TSPAN5: variants seen among roughly 807,000 people sequenced by gnomAD.
TSPAN5 encodes the protein tetraspanin 5, also known as tetraspanin-5.
In TSPAN5, 10 loss-of-function variants were observed where a neutral mutation model predicts 37.1. The ratio of observed to expected loss-of-function variants is 0.27; its 90% CI spans 0.17 to 0.46. The LOEUF (loss-of-function observed/expected upper bound fraction) is 0.46, where lower values mean the gene tolerates loss of function less well. Among genes scored for constraint, TSPAN5 ranks in the 20% least tolerant of loss-of-function variants. TSPAN5 has a pLI of 1.00. For synonymous variants in TSPAN5, 110 were observed against 118.9 expected, an observed-to-expected ratio of 0.93 and a Z score of 0.48; for missense variants, 195 against 326.6, an observed-to-expected ratio of 0.60 and a Z score of 3.11.
chr4:98,657,070 C>T (rs1382760530), intron 1 of TSPAN5, among the ~76,000 whole-genome samples: 1 of 152,112 alleles, frequency 6.6e-6, no homozygotes, highest in Non-Finnish European at 1.5e-5. Context: ...AATGCGGGTG[C>T]CCACTGAGGA....
chr4:98,492,520 T>C (rs1398564357), intron 2 of TSPAN5, among the ~76,000 whole-genome samples: 1 of 152,156 alleles, frequency 6.6e-6, no homozygotes, highest in Non-Finnish European at 1.5e-5. Context: ...ACAAAAGCTT[T>C]GAATACACTA....
At chr4:98,486,387 C>T (rs1752958881) in intron 3 of TSPAN5, among the ~76,000 whole-genome samples, 1 of 152,184 alleles carries the variant, frequency 6.6e-6, no homozygotes. Flanking sequence ...CACAGCTCCC[C>T]ACTTACTATG....
chr4:98,603,242 T>C (rs948298749), intron 1 of TSPAN5, among the ~76,000 whole-genome samples: 2 of 152,216 alleles, frequency 1.3e-5, no homozygotes, highest in Non-Finnish European at 2.9e-5. Context: ...CTAGTTCCTT[T>C]AGACTCCCCC....
At chr4:98,653,493 T>C (rs1447003221) in intron 1 of TSPAN5, among the ~76,000 whole-genome samples, 11 of 152,162 alleles carry the variant, frequency 7.2e-5, no homozygotes, top group African/African-American at 2.4e-4. Context: ...CATTCCACCG[T>C]TTCCATTGAG....
intron 1 of TSPAN5, 50 bp from the exon 2 acceptor site, chr4:98,507,778 T>C (rs1208638280): frequency 1.5e-6 from 2 of 1,378,728 alleles, no homozygotes; most frequent in South Asian, 2.5e-5. Flanking sequence ...GCCGCTAATA[T>C]AAAGAAGAAA....
At chr4:98,604,615 T>C (rs767199812) in intron 1 of TSPAN5, among the ~76,000 whole-genome samples, 2 of 152,184 alleles carry the variant, frequency 1.3e-5, no homozygotes, top group African/African-American at 2.4e-5. Flanking sequence ...TAGTCTGAGG[T>C]TTCCATTTTT....
intron 2 of TSPAN5, chr4:98,500,157 T>C (rs565270060): frequency 6.6e-6 from 1 of 152,342 alleles, no homozygotes; most frequent in South Asian, 2.1e-4. Flanking sequence ...AGTAACCATT[T>C]TCCTCTATTG....
chr4:98,562,020 C>T (rs1032710242), intron 1 of TSPAN5, among the ~76,000 whole-genome samples: 4 of 152,162 alleles, frequency 2.6e-5, no homozygotes, highest in Non-Finnish European at 5.9e-5. Flanking sequence ...AAAGTAGGCT[C>T]CATGATGGCA....
In TSPAN5 at chr4:98,510,973, C is replaced by T. The variant is rs185155778; in HGVS notation, c.82-3245G>A. ...AGACAGGCATGCAATACTTGAGGCACATTCAGTTTCCCCTTCCCACCTCCC... is the reference window on the plus strand; with the variant it reads ...AGACAGGCATGCAATACTTGAGGCATATTCAGTTTCCCCTTCCCACCTCCC... On this transcript the variant is annotated intron_variant, in intron 1 of 7. Coordinates refer to ENST00000305798, the MANE Select transcript of TSPAN5 (RefSeq NM_005723.4). Among the ~76,000 whole-genome samples, 8 of 152,290 alleles carry T rather than the reference C, an allele frequency of 5.3e-5. No individual in the cohort carries two copies. In the East Asian group the frequency reaches 1.2e-3, roughly 22 times the overall value.
At chr4:98,588,312 C>T (rs1410212569) in intron 1 of TSPAN5, among the ~76,000 whole-genome samples, 3 of 151,700 alleles carry the variant, frequency 2.0e-5, no homozygotes, top group Admixed American at 6.6e-5. Context: ...TAACAGAGAC[C>T]GCAGAAGATC....
chr4:98,557,248 T>C (rs1176437207), intron 1 of TSPAN5, among the ~76,000 whole-genome samples: 1 of 152,234 alleles, frequency 6.6e-6, no homozygotes, highest in Non-Finnish European at 1.5e-5. Context: ...CAAATAGGTC[T>C]GTGGTCTCCA....
intron 1 of TSPAN5, among the ~76,000 whole-genome samples, chr4:98,640,234 C>T (rs145805236): frequency 2.3e-4 from 35 of 152,102 alleles, no homozygotes; most frequent in Non-Finnish European, 3.5e-4. Context: ...CTAAACATGC[C>T]TATTTTTACA....
chr4:98,530,534 C>T (rs375427188), intron 1 of TSPAN5, among the ~76,000 whole-genome samples: 6 of 152,254 alleles, frequency 3.9e-5, no homozygotes, highest in East Asian at 1.9e-4. Flanking sequence ...ACCTGCACTT[C>T]GGCCATGAAA....
rs546721809 is a variant in TSPAN5 at position 98,590,331 on chromosome 4, A to G, written c.81+67815T>C. Among the ~76,000 whole-genome samples, 3 of 152,160 alleles carry G rather than the reference A, an allele frequency of 2.0e-5. No individual in the cohort carries two copies. The South Asian group carries it at 6.2e-4, about 32-fold the overall frequency. ...TGATGTGCCAGGCACAACACCTATG[A>G]CTCTCACTTATTTCATCTCATCTAA... is the stretch of plus-strand genomic sequence containing the variant. On this transcript the variant is annotated intron_variant, in intron 1 of 7. Transcript: ENST00000305798.
At chr4:98,590,569 G>A (rs571390973) in intron 1 of TSPAN5, among the ~76,000 whole-genome samples, 1 of 152,230 alleles carries the variant, frequency 6.6e-6, no homozygotes, top group African/African-American at 2.4e-5. Context: ...AATTAGCCAG[G>A]TGTGGTGGCA....
At chr4:98,477,617 G>A (rs183562276) in intron 5 of TSPAN5, among the ~76,000 whole-genome samples, 21 of 152,046 alleles carry the variant, frequency 1.4e-4, no homozygotes, top group East Asian at 5.8e-4. Flanking sequence ...ACAGAGATGC[G>A]TGGAGTAACC....
At chr4:98,610,505 T>C (rs989220272) in intron 1 of TSPAN5, among the ~76,000 whole-genome samples, 3 of 152,214 alleles carry the variant, frequency 2.0e-5, no homozygotes, top group Admixed American at 6.5e-5. Flanking sequence ...AGGTTCAAAA[T>C]TATCTACATA....
intron 1 of TSPAN5, among the ~76,000 whole-genome samples, chr4:98,616,653 C>T (rs1159526660): frequency 6.6e-6 from 1 of 152,128 alleles, no homozygotes; most frequent in East Asian, 1.9e-4. Context: ...TATGAAGAGC[C>T]TCTAGTGCCA....
intron 1 of TSPAN5, among the ~76,000 whole-genome samples, chr4:98,606,012 G>A (rs1319631552): frequency 6.6e-6 from 1 of 152,114 alleles, no homozygotes; most frequent in Non-Finnish European, 1.5e-5. Context: ...TATGCACACG[G>A]CACATTTCTC....
Sources: gnomAD v4.1 joint callset for allele counts (sites outside exome capture counted in the v4.1 genomes callset) on GRCh38, gnomAD v4.1.1 for gene constraint, MANE v1.5 for transcripts, NCBI Gene and HGNC (gene_info 2026-07-23, HGNC 2026-07-21) for gene names.